Variants in EYA2 observed in about 807,000 individuals in gnomAD.
The protein encoded by EYA2 is protein phosphatase EYA2.
In EYA2, 31 loss-of-function variants were observed where a neutral mutation model predicts 69.2. The ratio of observed to expected loss-of-function variants is 0.45; its 90% CI spans 0.34 to 0.60. The LOEUF is 0.60. EYA2 is among the 20% of genes least tolerant of loss of function. The pLI, the probability that EYA2 is intolerant of heterozygous loss-of-function variation, is 0.02. For synonymous variants in EYA2, 257 were observed against 279.4 expected, an observed-to-expected ratio of 0.92 and a Z score of 0.80; for missense variants, 622 against 701.2, an observed-to-expected ratio of 0.89 and a Z score of 1.28.
At chr20:47,142,881 A>T (rs1171041112) in intron 9 of EYA2, among the ~76,000 whole-genome samples, 178 bp from the exon 10 acceptor site, 1 of 151,300 alleles carries the variant, frequency 6.6e-6, no homozygotes, top group Non-Finnish European at 1.5e-5. Flanking sequence ...GAGATCCCGG[A>T]AGCTGTACAA....
At chr20:47,106,788 G>A (rs6018279) in intron 9 of EYA2, among the ~76,000 whole-genome samples, 81,244 of 151,960 alleles carry the variant, frequency 0.53, 22,207 homozygotes, top group Non-Finnish European at 0.59. Flanking sequence ...CAAGAAACCA[G>A]TGCCACTCGC....
In EYA2 at chr20:47,091,328, G is replaced by A. The variant is rs930077985; in HGVS notation, c.804+1947G>A. Among the ~76,000 whole-genome samples, 7 of 152,024 alleles carry A rather than the reference G, an allele frequency of 4.6e-5. No individual in the cohort carries two copies. In the East Asian group the frequency reaches 9.7e-4, roughly 21 times the overall value. On this transcript the variant is annotated intron_variant, in intron 8 of 15. Coordinates refer to ENST00000327619, the MANE Select transcript of EYA2 (RefSeq NM_005244.5). ...ACCTTCATTGTCAAAGCCTGCAGTC[G>A]TCACTAAAAGTCCAGCCACTCTCTG... is the stretch of plus-strand genomic sequence containing the variant.
intron 1 of EYA2, among the ~76,000 whole-genome samples, chr20:46,895,349 G>T (rs1455235940): frequency 1.3e-5 from 2 of 152,244 alleles, no homozygotes; most frequent in African/African-American, 4.8e-5. Context: ...TATGGTCCCG[G>T]CGGTTCGCGA....
At chr20:47,129,115 C>G (rs141415354) in intron 9 of EYA2, among the ~76,000 whole-genome samples, 1,598 of 152,286 alleles carry the variant, frequency 0.01, 10 homozygotes, top group Non-Finnish European at 0.017. Flanking sequence ...CACAGCAAGA[C>G]TCTTGTCTCA....
At chr20:47,093,385 G>A (rs1198346065) in intron 8 of EYA2, among the ~76,000 whole-genome samples, 9 of 152,224 alleles carry the variant, frequency 5.9e-5, no homozygotes, top group Admixed American at 5.9e-4. Flanking sequence ...GGCCATAGGA[G>A]GTGAAATGTA....
chr20:46,919,690 G>A (rs150805289), intron 1 of EYA2, among the ~76,000 whole-genome samples: 31 of 152,332 alleles, frequency 2.0e-4, no homozygotes, highest in Non-Finnish European at 3.4e-4. Flanking sequence ...CTTATCACTC[G>A]TGTGTTCACG....
chr20:46,941,485 C>A (rs1459028720), intron 1 of EYA2, among the ~76,000 whole-genome samples: 3 of 152,214 alleles, frequency 2.0e-5, no homozygotes, highest in Non-Finnish European at 4.4e-5. Flanking sequence ...GACAGGGTTA[C>A]TGTGAGAAAT....
chr20:46,955,560 T>C (rs1333405539), intron 1 of EYA2, among the ~76,000 whole-genome samples: 1 of 152,192 alleles, frequency 6.6e-6, no homozygotes, highest in African/African-American at 2.4e-5. Flanking sequence ...AAAGTAAAAA[T>C]AGATCTTTTC....
At chr20:47,135,836 A>C (rs1165519681) in intron 9 of EYA2, among the ~76,000 whole-genome samples, 11 of 83,374 alleles carry the variant, frequency 1.3e-4, no homozygotes, top group South Asian at 3.5e-4. Flanking sequence ...AAAAAAAAAA[A>C]AAAAACAAAC....
At chr20:46,920,224 T>C (rs1277582803) in intron 1 of EYA2, among the ~76,000 whole-genome samples, 1 of 58,446 alleles carries the variant, frequency 1.7e-5, no homozygotes, top group African/African-American at 3.9e-5. Context: ...CCACAAAACT[T>C]TAATTTGTTT....
At chr20:47,149,688 C>CAAAAA (rs59780173) in intron 10 of EYA2, among the ~76,000 whole-genome samples, 5 of 102,688 alleles carry the variant, frequency 4.9e-5, no homozygotes, top group East Asian at 2.7e-4. Flanking sequence ...ACTAAAAATA[C>CAAAAA]AAAAAAAAAA....
chr20:47,155,135 C>T (rs1179648134), intron 10 of EYA2, among the ~76,000 whole-genome samples: 2 of 151,932 alleles, frequency 1.3e-5, no homozygotes, highest in East Asian at 2.0e-4. Context: ...GGATTACAGG[C>T]GTGAGCCGCC....
intron 2 of EYA2, among the ~76,000 whole-genome samples, chr20:46,990,330 C>G (rs558915460): frequency 6.6e-6 from 1 of 152,354 alleles, no homozygotes; most frequent in East Asian, 1.9e-4. Flanking sequence ...TGTGCTCATT[C>G]GTGTCTTGAA....
At chr20:47,181,061 G>A in intron 14 of EYA2, 125 bp downstream of exon 14, 1 of 1,356,232 alleles carries the variant, frequency 7.4e-7, no homozygotes. Flanking sequence ...CTATGGCCAT[G>A]ACTCAGATTC....
intron 9 of EYA2, among the ~76,000 whole-genome samples, chr20:47,117,082 G>C (rs2032917396): frequency 6.8e-6 from 1 of 146,252 alleles, no homozygotes; most frequent in South Asian, 2.1e-4. Context: ...GTGCGATCTC[G>C]GCTCACTGCA....
At chr20:47,060,238 C>G (rs904343822) in intron 5 of EYA2, among the ~76,000 whole-genome samples, 3 of 152,200 alleles carry the variant, frequency 2.0e-5, no homozygotes, top group Non-Finnish European at 2.9e-5. Flanking sequence ...AACAAGAACT[C>G]TCTACCCCAA....
chr20:47,142,363 A>G (rs1023745175), intron 9 of EYA2, among the ~76,000 whole-genome samples: 4 of 152,218 alleles, frequency 2.6e-5, no homozygotes, highest in Admixed American at 6.5e-5. Context: ...TCATTGCACA[A>G]GTGTGCAAAT....
At chr20:47,147,849 A>C (rs2033734511) in intron 10 of EYA2, among the ~76,000 whole-genome samples, 1 of 152,118 alleles carries the variant, frequency 6.6e-6, no homozygotes, top group African/African-American at 2.4e-5. Context: ...ACTTGAGGTC[A>C]GGAGTTCAAG....
intron 5 of EYA2, among the ~76,000 whole-genome samples, chr20:47,065,677 G>T (rs2031082631): frequency 6.6e-6 from 1 of 152,160 alleles, no homozygotes; most frequent in East Asian, 1.9e-4. Flanking sequence ...GTATTAAATT[G>T]CTCTGGAGGT....
Sources: allele counts gnomAD v4.1 joint callset (sites outside exome capture counted in the v4.1 genomes callset), GRCh38; gene constraint gnomAD v4.1.1; transcripts MANE v1.5; gene names NCBI Gene and HGNC (gene_info 2026-07-23, HGNC 2026-07-21).